PVT1: variants seen among roughly 807,000 people sequenced by gnomAD.
The protein encoded by PVT1 is CXCR4/PVT1 fusion.
chr8:127,900,933 G>A (rs553281320), intron 3 of PVT1, among the ~76,000 whole-genome samples: 31 of 152,300 alleles, frequency 2.0e-4, no homozygotes, highest in African/African-American at 7.2e-4. Context: ...CTCATGACAC[G>A]CCTGAATGGG....
chr8:127,907,217 C>A (rs149789221), intron 3 of PVT1, among the ~76,000 whole-genome samples: 1 of 151,882 alleles, frequency 6.6e-6, no homozygotes, highest in Non-Finnish European at 1.5e-5. Flanking sequence ...AATCTGCCAG[C>A]CTCGGCCTCC....
At chr8:128,013,558 A>G (rs6984736) in intron 4 of PVT1, among the ~76,000 whole-genome samples, 127,489 of 152,198 alleles carry the variant, frequency 0.84, 53,558 homozygotes, top group East Asian at 0.89. Flanking sequence ...CAAGAGAGAC[A>G]CAATCTCTGC....
chr8:127,923,880 A>G (rs1816094054), intron 3 of PVT1, among the ~76,000 whole-genome samples: 1 of 152,270 alleles, frequency 6.6e-6, no homozygotes, highest in South Asian at 2.1e-4. Context: ...CTGTCACTTC[A>G]GCATTTCCCT....
chr8:127,842,722 ACCCT>A (rs1005929922), intron 2 of PVT1, among the ~76,000 whole-genome samples: 1 of 151,194 alleles, frequency 6.6e-6, no homozygotes, highest in African/African-American at 2.5e-5. Context: ...CTGTGCACCA[ACCCT>A]CCCTCTTGCT....
intron 2 of PVT1, among the ~76,000 whole-genome samples, chr8:127,810,024 C>G (rs1814574656): frequency 6.6e-6 from 1 of 152,174 alleles, no homozygotes; most frequent in Non-Finnish European, 1.5e-5. Context: ...TCATTGCAGT[C>G]CCTCCCCATT....
At chr8:127,930,380 A>C (rs766789549) in intron 3 of PVT1, among the ~76,000 whole-genome samples, 1 of 152,188 alleles carries the variant, frequency 6.6e-6, no homozygotes, top group Non-Finnish European at 1.5e-5. Context: ...GCTGGTCTCA[A>C]ACTCCTGACC....
At chr8:127,908,672 C>T (rs1369203858) in intron 3 of PVT1, among the ~76,000 whole-genome samples, 4 of 152,160 alleles carry the variant, frequency 2.6e-5, no homozygotes, top group African/African-American at 7.2e-5. Flanking sequence ...TGATGGGACT[C>T]CCGGCTAAAC....
chr8:127,988,857 A>G (rs923232437), intron 3 of PVT1, among the ~76,000 whole-genome samples: 8 of 152,138 alleles, frequency 5.3e-5, no homozygotes, highest in Non-Finnish European at 8.8e-5. Context: ...AACATGATTA[A>G]TGGGTGGGGG....
chr8:127,914,124 A>G (rs577869231), intron 3 of PVT1, among the ~76,000 whole-genome samples: 63 of 152,200 alleles, frequency 4.1e-4, no homozygotes, highest in Non-Finnish European at 6.2e-4. Flanking sequence ...TCTCCAGAGA[A>G]GTTATATAAA....
intron 4 of PVT1, among the ~76,000 whole-genome samples, chr8:128,030,972 G>A (rs543923591): frequency 8.5e-5 from 13 of 152,282 alleles, no homozygotes; most frequent in East Asian, 3.9e-4. Flanking sequence ...TCAAGACAGC[G>A]CCCTCCCTAT....
intron 4 of PVT1, among the ~76,000 whole-genome samples, chr8:128,059,492 A>G (rs1042010840): frequency 6.6e-6 from 1 of 152,146 alleles, no homozygotes; most frequent in African/African-American, 2.4e-5. Context: ...ATATTTTGTG[A>G]TATATGAAAA....
chr8:128,003,498 C>A (rs965207206), intron 4 of PVT1, among the ~76,000 whole-genome samples: 1 of 151,990 alleles, frequency 6.6e-6, no homozygotes, highest in Admixed American at 6.6e-5. Context: ...GGTATGTGTT[C>A]CCATGCCTGA....
chr8:128,081,108 C>T lies in PVT1; in HGVS notation n.1114+10747C>T, dbSNP rs374412659. 1.8e-4 allele frequency among the ~76,000 whole-genome samples: 27 copies of T among 152,220 alleles called. No individual in the cohort carries two copies. The South Asian group carries it at 5.2e-3, about 29-fold the overall frequency. On this transcript the variant is annotated intron_variant and non_coding_transcript_variant, in intron 5 of 10. Coordinates refer to ENST00000651587, the Ensembl canonical transcript of PVT1. Reference sequence around the variant, plus strand: ...GCCAATACCACGCCATCTTGATGACCATAGCTTTATAGGAAGTGTTGGAGT... The same window carrying T: ...GCCAATACCACGCCATCTTGATGACTATAGCTTTATAGGAAGTGTTGGAGT...
chr8:127,966,534 C>A (rs1816704483), intron 3 of PVT1, among the ~76,000 whole-genome samples: 1 of 152,182 alleles, frequency 6.6e-6, no homozygotes, highest in Admixed American at 6.5e-5. Context: ...CCCCTCTTCT[C>A]AGCAGCCAGA....
chr8:127,979,736 G>A (rs1340857592), intron 3 of PVT1, among the ~76,000 whole-genome samples: 1 of 152,184 alleles, frequency 6.6e-6, no homozygotes, highest in African/African-American at 2.4e-5. Flanking sequence ...CCACCCAAAG[G>A]ATGCCTAATC....
chr8:127,896,785 G>T (rs58084056), intron 3 of PVT1, among the ~76,000 whole-genome samples: 4 of 100,788 alleles, frequency 4.0e-5, no homozygotes, highest in African/African-American at 1.4e-4. Flanking sequence ...CCCCCCCCCC[G>T]CCCCCGACCC....
intron 3 of PVT1, among the ~76,000 whole-genome samples, chr8:127,951,747 C>T (rs1216601859): frequency 6.6e-6 from 1 of 152,042 alleles, no homozygotes; most frequent in Non-Finnish European, 1.5e-5. Context: ...GGGAATTAAG[C>T]CCAGGGTTGA....
intron 3 of PVT1, among the ~76,000 whole-genome samples, chr8:127,917,378 G>A (rs1473317323): frequency 6.6e-6 from 1 of 152,176 alleles, no homozygotes; most frequent in East Asian, 1.9e-4. Flanking sequence ...ATGAGTGCTG[G>A]GATTCAGAAA....
intron 2 of PVT1, among the ~76,000 whole-genome samples, chr8:127,816,540 G>T (rs1367062983): frequency 1.0e-3 from 149 of 147,644 alleles, no homozygotes; most frequent in Non-Finnish European, 3.9e-4. Flanking sequence ...TTTTTGAGAT[G>T]GTGTTTCGCT....
Sources: gnomAD v4.1 joint callset for allele counts (sites outside exome capture counted in the v4.1 genomes callset) on GRCh38, gnomAD v4.1.1 for gene constraint, MANE v1.5 for transcripts, NCBI Gene and HGNC (gene_info 2026-07-23, HGNC 2026-07-21) for gene names.